BIVM: variants seen among roughly 807,000 people sequenced by gnomAD.
BIVM encodes the protein basic, immunoglobulin-like variable motif containing.
A neutral mutation model predicts 61.4 loss-of-function variants in BIVM; 31 were observed. The observed-to-expected ratio is 0.51, with a 90% CI of 0.38 to 0.68. BIVM has a LOEUF of 0.68. BIVM is among the 30% of genes least tolerant of loss of function. The pLI is 0.00. For synonymous variants in BIVM, 189 were observed against 210.7 expected (o/e 0.90, Z 0.89); for missense variants, 526 against 596.0 (o/e 0.88, Z 1.22).
In BIVM at chr13:102,815,329, A is replaced by G. The variant is rs1037783065; in HGVS notation, c.479-1099A>G. On this transcript the variant is annotated intron_variant, in intron 3 of 10. Coordinates refer to ENST00000257336, the MANE Select transcript of BIVM (RefSeq NM_017693.4). The stretch of plus-strand genomic sequence containing the variant: ...AAAATGAAATATTAGCCTTCAGTTA[A>G]TTTTTATAACAGAACTGTTTTAAAA... Among the ~76,000 whole-genome samples, 85 of 152,312 alleles carry G rather than the reference A, an allele frequency of 5.6e-4. 1 individual carries two copies. The highest frequency in any genetic ancestry group is 1.9e-3 in the African/African-American group (79 of 41,572).
In BIVM at chr13:102,831,735, A is replaced by C. The variant is rs764223074; in HGVS notation, c.1034+38A>C. ...GTGTTTTAGAAAGTGCATTTTAAGA[A>C]ATATTAAAAAATAGATGGGTGCGGT... is the stretch of plus-strand genomic sequence containing the variant. On this transcript the variant is annotated intron_variant, in intron 8 of 10. Coordinates refer to ENST00000257336, the MANE Select transcript of BIVM (RefSeq NM_017693.4). The C allele has an allele frequency of 3.7e-6, 6 of 1,609,254 alleles. No individual in the cohort carries two copies. The African/African-American group carries it at 5.4e-5, about 14-fold the overall frequency.
intron 4 of BIVM, among the ~76,000 whole-genome samples, chr13:102,818,221 A>T (rs535315261): frequency 3.9e-4 from 59 of 152,340 alleles, no homozygotes; most frequent in Admixed American, 3.4e-3. Flanking sequence ...TGAGGCTCAG[A>T]GAGGCCAAGA....
intron 9 of BIVM, among the ~76,000 whole-genome samples, chr13:102,835,689 C>T (rs1454713699): frequency 1.5e-4 from 23 of 152,142 alleles, no homozygotes; most frequent in African/African-American, 4.8e-4. Flanking sequence ...CCCACTATCA[C>T]GCCCAGCTAA....
Position 102,821,867 on chromosome 13 carries a change from G to A in BIVM, c.806+20G>A, listed in dbSNP as rs1243045859. 4 of 1,605,074 alleles carry A rather than the reference G, an allele frequency of 2.5e-6. No homozygotes were observed. The highest frequency in any genetic ancestry group is 2.6e-6 in the Non-Finnish European group (3 of 1,175,838). On this transcript the variant is annotated intron_variant, in intron 6 of 10. Coordinates refer to ENST00000257336, the MANE Select transcript of BIVM (RefSeq NM_017693.4). ...TATGAGGTATGAAGACCCTCTTAGAGGCAATATCGTGTTTCTAGTTTTGCA... is the reference window on the plus strand; with the variant it reads ...TATGAGGTATGAAGACCCTCTTAGAAGCAATATCGTGTTTCTAGTTTTGCA...
chr13:102,820,614 G>A (rs1880201710), intron 4 of BIVM: 2 of 182,376 alleles, frequency 1.1e-5, no homozygotes, highest in Non-Finnish European at 2.2e-5. Context: ...GATGGACACA[G>A]TGGGTAATAA....
chr13:102,835,106 C>T (rs949802475), intron 9 of BIVM, among the ~76,000 whole-genome samples: 19 of 151,936 alleles, frequency 1.3e-4, no homozygotes, highest in African/African-American at 3.9e-4. Flanking sequence ...CCACCATGCG[C>T]GGTGGCTCAT....
Position 102,821,271 on chromosome 13 carries a change from T to C in BIVM, c.701+139T>C, listed in dbSNP as rs918416092. On this transcript the variant is annotated intron_variant, in intron 5 of 10. Transcript: ENST00000257336. ...TGTATTTTAGTGTAAGTCTTTTAGC[T>C]TAAAATATATACATGTATTATTTTC... 4.1e-6 allele frequency: 3 copies of C among 723,674 alleles called. No homozygotes were observed. The African/African-American group carries it at 5.4e-5, about 13-fold the overall frequency. 44.8% of individuals were successfully genotyped at this position (723,674 alleles called of 1,614,324 possible).
chr13:102,820,597 G>A (rs1880199205), intron 4 of BIVM: 1 of 169,784 alleles, frequency 5.9e-6, no homozygotes, highest in African/African-American at 2.4e-5. Context: ...CTTGCCCAAG[G>A]ATTTTAGATG....
chr13:102,825,642 G>A (rs949600582), intron 7 of BIVM, among the ~76,000 whole-genome samples: 1 of 152,224 alleles, frequency 6.6e-6, no homozygotes, highest in Non-Finnish European at 1.5e-5. Context: ...TTCTTCACAA[G>A]ATACAGGTCA....
intron 7 of BIVM, among the ~76,000 whole-genome samples, chr13:102,823,958 T>C (rs1880474074): frequency 6.6e-6 from 1 of 152,204 alleles, no homozygotes; most frequent in Non-Finnish European, 1.5e-5. Context: ...TTATTTGAGG[T>C]GTCTTCGTGT....
At chr13:102,837,954 A>G (rs1012542534) in intron 9 of BIVM, among the ~76,000 whole-genome samples, 1 of 152,212 alleles carries the variant, frequency 6.6e-6, no homozygotes, top group Non-Finnish European at 1.5e-5. Flanking sequence ...TTCAGTGTAC[A>G]CTGCTTGGAT....
intron 4 of BIVM, among the ~76,000 whole-genome samples, chr13:102,818,215 G>A (rs1454340105): frequency 6.6e-6 from 1 of 152,144 alleles, no homozygotes; most frequent in Non-Finnish European, 1.5e-5. Flanking sequence ...CTAAAGTGAG[G>A]CTCAGAGAGG....
intron 1 of BIVM, among the ~76,000 whole-genome samples, chr13:102,804,383 T>C (rs1294759513): frequency 6.6e-6 from 1 of 152,180 alleles, no homozygotes; most frequent in African/African-American, 2.4e-5. Context: ...GGATCTCAGC[T>C]CACTGCAACC....
In BIVM at chr13:102,807,319, C is replaced by T. The variant is rs1429643242; in HGVS notation, c.52C>T (p.His18Tyr). 1.9e-6 allele frequency: 3 copies of T among 1,613,958 alleles called. No individual in the cohort carries two copies. Among genetic ancestry groups the T allele is most frequent in the East Asian group, 4.5e-5 (2 of 44,870 alleles). The change falls in exon 3 of 11, where the codon CAC becomes TAC. Residue 18 changes from histidine to tyrosine, a missense_variant. Transcript: ENST00000257336. The surrounding 1 kb of genome is among the most constrained non-coding windows in gnomAD (Gnocchi z 4.0). ...GTCAAATGATTCTGGAAATGGTGAGCACAAATCTGAGAGAAAGTCACCTGA... is the reference window on the plus strand; with the variant it reads ...GTCAAATGATTCTGGAAATGGTGAGTACAAATCTGAGAGAAAGTCACCTGA... Reference protein sequence around the residue: ...ERSNDSGNGEHKSERKSPEEN... With the variant: ...ERSNDSGNGEYKSERKSPEEN...
chr13:102,836,193 A>G (rs1282606432), intron 9 of BIVM, among the ~76,000 whole-genome samples: 1 of 137,800 alleles, frequency 7.3e-6, no homozygotes, highest in African/African-American at 2.5e-5. Flanking sequence ...TATTTTATCA[A>G]TTTTCTTCTT....
At chr13:102,827,553 C>T (rs549149430) in intron 7 of BIVM, among the ~76,000 whole-genome samples, 1 of 152,002 alleles carries the variant, frequency 6.6e-6, no homozygotes, top group South Asian at 2.1e-4. Flanking sequence ...ATATTTTTGT[C>T]TTTACCTTTG....
intron 10 of BIVM, 40 bp downstream of exon 10, chr13:102,838,779 T>C (rs1344967788): frequency 1.9e-6 from 3 of 1,578,030 alleles, no homozygotes; most frequent in Non-Finnish European, 2.6e-6. Context: ...ATTTCCCAGC[T>C]GACCAAAATG....
Position 102,807,306 on chromosome 13 carries a change from T to A in BIVM, c.39T>A (p.Ser13=). 3 of 1,612,602 alleles carry A rather than the reference T, an allele frequency of 1.9e-6. No homozygotes were observed. Among genetic ancestry groups the A allele is most frequent in the Non-Finnish European group, 2.5e-6 (3 of 1,178,778 alleles). ...NVAETERSND[S]GNGEHKSERK... is the part of the protein sequence containing the mutation. ...CAGAAACAGAAAGGTCAAATGATTC[T>A]GGAAATGGTGAGCACAAATCTGAGA... Residue 13 remains serine, a synonymous_variant, in exon 3 of 11, where the codon TCT becomes TCA. Coordinates refer to ENST00000257336, the MANE Select transcript of BIVM (RefSeq NM_017693.4). This position sits in a 1 kb window ranked among gnomAD's most constrained non-coding sequence, Gnocchi z 4.0.
intron 3 of BIVM, among the ~76,000 whole-genome samples, chr13:102,811,243 G>A (rs539795705): frequency 7.2e-5 from 11 of 152,276 alleles, no homozygotes; most frequent in African/African-American, 2.6e-4. Context: ...AATCCTTTTA[G>A]CATTCCTTAC....
Sources: gnomAD v4.1 joint callset for allele counts (sites outside exome capture counted in the v4.1 genomes callset) on GRCh38, gnomAD v4.1.1 for gene constraint, Gnocchi (gnomAD v3.1) non-coding constraint, MANE v1.5 for transcripts, NCBI Gene and HGNC (gene_info 2026-07-23, HGNC 2026-07-21) for gene names.